FIRRM: variants seen among roughly 807,000 people sequenced by gnomAD.
The protein encoded by FIRRM is FIGNL1 interacting regulator of recombination and mitosis, also known as FIGNL1-interacting regulator of recombination and mitosis.
chr1:169,811,034 G>C, the FIRRM span, among the ~76,000 whole-genome samples: 5 of 149,970 alleles, frequency 3.3e-5, no homozygotes, highest in Admixed American at 6.6e-5. Flanking sequence ...TAATTTTTTT[G>C]TATTTTTAGT....
chr1:169,802,661 G>A, the FIRRM span: 1 of 1,613,106 alleles, frequency 6.2e-7, no homozygotes, highest in East Asian at 2.2e-5. Context: ...GAATTAACCA[G>A]TCAAGCCAGA....
At chr1:169,816,384 T>G in the FIRRM span, among the ~76,000 whole-genome samples, 1 of 152,180 alleles carries the variant, frequency 6.6e-6, no homozygotes, top group Non-Finnish European at 1.5e-5. Context: ...GAACAACTGA[T>G]GAGAAAAACA....
the FIRRM span, among the ~76,000 whole-genome samples, chr1:169,784,519 C>G: frequency 6.6e-6 from 1 of 152,168 alleles, no homozygotes; most frequent in Admixed American, 6.5e-5. Flanking sequence ...TCATCTCTTT[C>G]CTCTCCCTTC....
At chr1:169,798,040 AAAGAT>A in the FIRRM span, among the ~76,000 whole-genome samples, 1 of 140,706 alleles carries the variant, frequency 7.1e-6, no homozygotes, top group South Asian at 2.4e-4. Flanking sequence ...TAATATGAAA[AAAGAT>A]AGAAGGTGAT....
chr1:169,788,718 CT>C, the FIRRM span, among the ~76,000 whole-genome samples: 1 of 151,262 alleles, frequency 6.6e-6, no homozygotes, highest in Non-Finnish European at 1.5e-5. Context: ...TGCGTCAAAT[CT>C]TTTTTTTTGC....
the FIRRM span, chr1:169,852,535 C>T: frequency 2.1e-6 from 1 of 482,326 alleles, no homozygotes; most frequent in Non-Finnish European, 3.7e-6. Context: ...CATTGGGAGC[C>T]CTTTGGGACA....
the FIRRM span, chr1:169,852,047 C>T: frequency 6.9e-7 from 1 of 1,445,216 alleles, no homozygotes; most frequent in Non-Finnish European, 9.6e-7. Flanking sequence ...AATTTCAAAT[C>T]AAATAGATCT....
chr1:169,791,914 G>T, the FIRRM span, among the ~76,000 whole-genome samples: 2 of 152,140 alleles, frequency 1.3e-5, no homozygotes, highest in African/African-American at 4.8e-5. Context: ...TTAACAACTG[G>T]TAAGTCTATA....
At chr1:169,830,733 A>C in the FIRRM span, 1 of 1,613,908 alleles carries the variant, frequency 6.2e-7, no homozygotes, top group African/African-American at 1.3e-5. Context: ...CCATGTCACC[A>C]TAGTGGCTCA....
At chr1:169,797,388 TG>T in the FIRRM span, among the ~76,000 whole-genome samples, 1 of 152,244 alleles carries the variant, frequency 6.6e-6, no homozygotes. Context: ...TTGGAACAGC[TG>T]GTAATTATTT....
chr1:169,852,263 G>GA, the FIRRM span: 1 of 348,538 alleles, frequency 2.9e-6, no homozygotes, highest in Non-Finnish European at 5.3e-6. Context: ...TGTTTAGTTT[G>GA]ATTCCTTGCC....
At chr1:169,804,188 T>G in the FIRRM span, 2 of 1,597,976 alleles carry the variant, frequency 1.3e-6, no homozygotes, top group Non-Finnish European at 1.7e-6. Context: ...TGGACATGGT[T>G]TGCATGGACC....
chr1:169,790,998 C>T, the FIRRM span, among the ~76,000 whole-genome samples: 7 of 152,184 alleles, frequency 4.6e-5, no homozygotes, highest in African/African-American at 9.7e-5. Context: ...ACAAGGAGTG[C>T]GCAAGCTAGA....
chr1:169,801,241 G>A, the FIRRM span, among the ~76,000 whole-genome samples: 1 of 151,834 alleles, frequency 6.6e-6, no homozygotes, highest in African/African-American at 2.4e-5. Flanking sequence ...TCAGGAGTTC[G>A]AGACCACCCA....
chr1:169,847,320 A>T, the FIRRM span, among the ~76,000 whole-genome samples: 3 of 126,406 alleles, frequency 2.4e-5, no homozygotes. Context: ...TTCTAAAAAA[A>T]AAAAAAAAAA....
the FIRRM span, among the ~76,000 whole-genome samples, chr1:169,838,653 C>G: frequency 6.6e-6 from 1 of 152,014 alleles, no homozygotes. Flanking sequence ...CCATGCCTGG[C>G]TCATTTTTGT....
the FIRRM span, chr1:169,803,443 A>G: frequency 1.1e-6 from 1 of 923,928 alleles, no homozygotes; most frequent in Non-Finnish European, 1.5e-6. Context: ...AATAAAGAAC[A>G]TGTAAGTAAA....
At chr1:169,844,184 T>C in the FIRRM span, among the ~76,000 whole-genome samples, 1 of 152,168 alleles carries the variant, frequency 6.6e-6, no homozygotes, top group Non-Finnish European at 1.5e-5. Context: ...AAAAATAAAA[T>C]TATTTTGAAA....
At chr1:169,806,862 A>G in the FIRRM span, among the ~76,000 whole-genome samples, 1 of 152,222 alleles carries the variant, frequency 6.6e-6, no homozygotes, top group Non-Finnish European at 1.5e-5. Flanking sequence ...TAATAATAGC[A>G]ACTTCTTGAC....
Sources: allele counts gnomAD v4.1 joint callset (sites outside exome capture counted in the v4.1 genomes callset), GRCh38; gene constraint gnomAD v4.1.1; transcripts MANE v1.5; gene names NCBI Gene and HGNC (gene_info 2026-07-23, HGNC 2026-07-21).